The following COMMD10 variants were observed in gnomAD, a reference collection of about 807,000 sequenced individuals.
The protein encoded by COMMD10 is COMM domain-containing protein 10.
COMMD10 carries 33 observed loss-of-function variants against 28.9 expected under a neutral mutation model. That is an observed-to-expected ratio of 1.14 (90% CI 0.87 to 1.53). The LOEUF is 1.53. Ranked by LOEUF, COMMD10 falls within the 40% of genes most tolerant of loss-of-function variation. The probability of loss-of-function intolerance (pLI) is 0.00; values close to 1 mark genes in which losing one functional copy is unlikely to be tolerated. For missense variants in COMMD10, 310 were observed against 233.4 expected, an observed-to-expected ratio of 1.33 and a Z score of -2.14; for synonymous variants, 110 against 81.7, an observed-to-expected ratio of 1.35 and a Z score of -1.87.
chr5:116,181,602 C>A (rs1274031843), intron 5 of COMMD10, among the ~76,000 whole-genome samples: 3 of 151,610 alleles, frequency 2.0e-5, no homozygotes, highest in Admixed American at 2.0e-4. Flanking sequence ...TTGTCGAATT[C>A]TAGAAATATT....
At chr5:116,092,425 A>G (rs905875238) in intron 3 of COMMD10, 120 bp from the exon 4 acceptor site, 3 of 591,332 alleles carry the variant, frequency 5.1e-6, no homozygotes, top group East Asian at 3.1e-5. Context: ...AATGTTGGTA[A>G]TAGGACTATG....
chr5:116,235,823 T>C (rs545084878), intron 5 of COMMD10, among the ~76,000 whole-genome samples: 234 of 152,290 alleles, frequency 1.5e-3, no homozygotes, highest in African/African-American at 5.4e-3. Flanking sequence ...CAAGAGAATA[T>C]ATTTGGATTC....
chr5:116,199,523 A>C (rs1044272069), intron 5 of COMMD10, among the ~76,000 whole-genome samples: 1 of 152,110 alleles, frequency 6.6e-6, no homozygotes, highest in African/African-American at 2.4e-5. Context: ...TATTGTATCT[A>C]AAAAGTCTGT....
At chr5:116,092,435 G>T in intron 3 of COMMD10, 110 bp from the exon 4 acceptor site, 1 of 690,360 alleles carries the variant, frequency 1.4e-6, no homozygotes, top group East Asian at 3.0e-5. Context: ...ATAGGACTAT[G>T]AAGTTTTCTT....
intron 5 of COMMD10, among the ~76,000 whole-genome samples, chr5:116,189,514 A>G (rs954625005): frequency 4.6e-5 from 7 of 152,024 alleles, no homozygotes; most frequent in Non-Finnish European, 1.0e-4. Context: ...CAGCTTCATC[A>G]TTTTGTGTGC....
chr5:116,168,411 G>A (rs753901987), intron 5 of COMMD10, among the ~76,000 whole-genome samples: 33 of 151,290 alleles, frequency 2.2e-4, no homozygotes, highest in Non-Finnish European at 4.4e-4. Context: ...CCACACTTTC[G>A]ATATTAGATC....
At chr5:116,156,244 C>T (rs1752704713) in intron 5 of COMMD10, among the ~76,000 whole-genome samples, 1 of 152,066 alleles carries the variant, frequency 6.6e-6, no homozygotes, top group Non-Finnish European at 1.5e-5. Flanking sequence ...GTAGTAAAAA[C>T]AGTACAGGGT....
At chr5:116,188,678 AGGTTGGAGTGCAGT>A in intron 5 of COMMD10, 1 of 127,978 alleles carries the variant, frequency 7.8e-6, no homozygotes, top group Admixed American at 9.3e-5. Context: ...ATCATCCTCC[AGGTTGGAGTGCAGT>A]GGCACGATCT....
At chr5:116,248,306 A>G (rs918907330) in intron 5 of COMMD10, among the ~76,000 whole-genome samples, 5 of 151,984 alleles carry the variant, frequency 3.3e-5, no homozygotes, top group Admixed American at 3.3e-4. Flanking sequence ...AAAGTTTCAG[A>G]TACAGATGGA....
At chr5:116,228,489 C>G (rs1057429345) in intron 5 of COMMD10, among the ~76,000 whole-genome samples, 1 of 151,760 alleles carries the variant, frequency 6.6e-6, no homozygotes, top group Non-Finnish European at 1.5e-5. Flanking sequence ...ATTTCAATAA[C>G]CAGAATTGTA....
chr5:116,239,553 CA>C (rs148861083), intron 5 of COMMD10, among the ~76,000 whole-genome samples: 2,450 of 152,244 alleles, frequency 0.016, 72 homozygotes, highest in African/African-American at 0.055. Flanking sequence ...ACTCTTGTAG[CA>C]TTTAGCTTTG....
At chr5:116,154,008 C>G (rs1752622679) in intron 5 of COMMD10, among the ~76,000 whole-genome samples, 2 of 152,010 alleles carry the variant, frequency 1.3e-5, no homozygotes, top group African/African-American at 4.8e-5. Context: ...AGCTTAGCCA[C>G]TCAACCACAA....
intron 5 of COMMD10, among the ~76,000 whole-genome samples, chr5:116,284,674 T>C (rs1416053510): frequency 6.6e-6 from 1 of 151,950 alleles, no homozygotes; most frequent in East Asian, 1.9e-4. Flanking sequence ...TTCTACATTT[T>C]CCACCATGAA....
chr5:116,143,302 A>T (rs1012138860), intron 5 of COMMD10, among the ~76,000 whole-genome samples: 30 of 151,678 alleles, frequency 2.0e-4, no homozygotes, highest in African/African-American at 7.2e-4. Flanking sequence ...ACTGTTTCAG[A>T]TGCTACTTAC....
intron 5 of COMMD10, among the ~76,000 whole-genome samples, chr5:116,253,411 C>T (rs1232989505): frequency 1.3e-5 from 2 of 151,332 alleles, no homozygotes; most frequent in East Asian, 3.9e-4. Flanking sequence ...TTTGCCCATT[C>T]AGTATGATAT....
intron 1 of COMMD10, 31 bp downstream of exon 1, chr5:116,085,124 C>G (rs762442256): frequency 6.2e-7 from 1 of 1,600,840 alleles, no homozygotes; most frequent in Non-Finnish European, 8.5e-7. Context: ...TTGCGGTAGC[C>G]GCGCCCAGGA....
intron 5 of COMMD10, among the ~76,000 whole-genome samples, chr5:116,171,477 G>C (rs1312300453): frequency 6.6e-6 from 1 of 152,012 alleles, no homozygotes; most frequent in Non-Finnish European, 1.5e-5. Context: ...CCCCTTACTG[G>C]GTATATACCC....
At chr5:116,190,541 T>A (rs4921075) in intron 5 of COMMD10, among the ~76,000 whole-genome samples, 89,971 of 152,108 alleles carry the variant, frequency 0.59, 30,740 homozygotes, top group South Asian at 0.77. Context: ...ATTACACTGC[T>A]TTTTTGCCTA....
In COMMD10 at chr5:116,278,683, T is replaced by C. The variant is rs908293967; in HGVS notation, c.511-12834T>C. ...ATAAAGGTTTCTGGTCAAAGACAGTTTGTTATGTTGACAGCTAAAACTGTT... is the reference window on the plus strand; with the variant it reads ...ATAAAGGTTTCTGGTCAAAGACAGTCTGTTATGTTGACAGCTAAAACTGTT... On this transcript the variant is annotated intron_variant, in intron 5 of 6. Coordinates refer to ENST00000274458, the MANE Select transcript of COMMD10 (RefSeq NM_016144.4). 2.0e-5 allele frequency among the ~76,000 whole-genome samples: 3 copies of C among 151,992 alleles called. No homozygotes were observed. In the South Asian group the frequency reaches 6.2e-4, roughly 31 times the overall value.
Sources: gnomAD v4.1 joint callset for allele counts (sites outside exome capture counted in the v4.1 genomes callset) on GRCh38, gnomAD v4.1.1 for gene constraint, MANE v1.5 for transcripts, NCBI Gene and HGNC (gene_info 2026-07-23, HGNC 2026-07-21) for gene names.